Variants in EYS observed in about 807,000 individuals in gnomAD.
EYS encodes the protein protein eyes shut homolog.
EYS carries 250 observed loss-of-function variants against 282.1 expected under a neutral mutation model. The observed-to-expected ratio is 0.89, with a 90% confidence interval of 0.80 to 0.98. EYS has a LOEUF of 0.98. Ranked by LOEUF, EYS falls within the 50% of genes least tolerant of loss-of-function variation. The pLI is 0.00. For missense variants in EYS, 4,016 were observed against 3,709.0 expected (o/e 1.08, Z -2.15); for synonymous variants, 1,355 against 1,282.9 (o/e 1.06, Z -1.20).
At chr6:63,727,194 A>G (rs1205398082) in intron 41 of EYS, among the ~76,000 whole-genome samples, 4 of 152,008 alleles carry the variant, frequency 2.6e-5, no homozygotes, top group African/African-American at 9.7e-5. Flanking sequence ...CCCAATGGGA[A>G]TTATGAGAGG....
chr6:64,715,446 A>G (rs1322662007), intron 22 of EYS, among the ~76,000 whole-genome samples: 3 of 152,220 alleles, frequency 2.0e-5, no homozygotes. Context: ...TCTGAAATGT[A>G]TGGAGATTTG....
At chr6:64,890,845 T>A (rs879876012) in intron 18 of EYS, among the ~76,000 whole-genome samples, 1 of 152,084 alleles carries the variant, frequency 6.6e-6, no homozygotes, top group Non-Finnish European at 1.5e-5. Flanking sequence ...ATAATATGAA[T>A]CATAATGATC....
chr6:64,081,989 GAA>G lies in EYS; in HGVS notation c.6436_6437del (p.Phe2146LeufsTer24). ...GRFCEKDAGL[F>X]FPSFNGNSYL... ...AGGAATTCCCATTGAAAGATGGAAA[GAA>G]TAAACCTGCATCTAAAAAAGAAAAT... On this transcript the variant is annotated frameshift_variant, in exon 32 of 43. Transcript: ENST00000503581. LOFTEE classifies it high-confidence loss of function. The G allele has an allele frequency of 6.5e-7, 1 of 1,540,522 alleles. No homozygotes were observed. Among genetic ancestry groups the G allele is most frequent in the Non-Finnish European group, 8.8e-7 (1 of 1,138,724 alleles).
chr6:65,443,651 C>T (rs13205783), intron 5 of EYS, among the ~76,000 whole-genome samples: 32,246 of 147,356 alleles, frequency 0.22, 3,648 homozygotes, highest in South Asian at 0.27. Flanking sequence ...ATATATGTGT[C>T]TATACACATA....
rs942423689 is a variant in EYS at position 65,684,901 on chromosome 6, C to T, written c.-448+22234G>A. Among the ~76,000 whole-genome samples the T allele has an allele frequency of 5.9e-5, 9 of 152,000 alleles. No individual in the cohort carries two copies. In the East Asian group the frequency reaches 7.8e-4, roughly 13 times the overall value. On this transcript the variant is annotated intron_variant, in intron 1 of 42. Transcript: ENST00000503581. The stretch of plus-strand genomic sequence containing the variant: ...ACCTCCTCCCACCTCCCATCCTCCA[C>T]CCTCAAGTGGGCCCCGGTGTCTGTT...
chr6:64,629,117 C>T (rs1158937575), intron 22 of EYS, among the ~76,000 whole-genome samples: 1 of 152,116 alleles, frequency 6.6e-6, no homozygotes, highest in Non-Finnish European at 1.5e-5. Flanking sequence ...AATATTTTCT[C>T]ATACTTCCTT....
chr6:63,838,316 G>A (rs1190789078), intron 36 of EYS, among the ~76,000 whole-genome samples: 3 of 151,860 alleles, frequency 2.0e-5, no homozygotes, highest in Admixed American at 6.6e-5. Flanking sequence ...ATAAATAGAC[G>A]TTAGTATAAA....
chr6:64,834,499 A>C (rs1433730051), intron 19 of EYS, among the ~76,000 whole-genome samples: 1 of 151,856 alleles, frequency 6.6e-6, no homozygotes, highest in African/African-American at 2.4e-5. Context: ...CAATTTTGTC[A>C]TAGAAGTAAA....
At chr6:65,034,090 A>T (rs1478733043) in intron 13 of EYS, among the ~76,000 whole-genome samples, 1 of 152,138 alleles carries the variant, frequency 6.6e-6, no homozygotes, top group Non-Finnish European at 1.5e-5. Flanking sequence ...TGGGTTTTGA[A>T]CTTGCACGGG....
At chr6:65,386,425 G>GTTTC (rs1765807576) in intron 7 of EYS, among the ~76,000 whole-genome samples, 1 of 151,500 alleles carries the variant, frequency 6.6e-6, no homozygotes, top group African/African-American at 2.4e-5. Context: ...TTCAAAAAGG[G>GTTTC]AAAACTTTCC....
chr6:64,891,648 C>T (rs1413941433), intron 18 of EYS, among the ~76,000 whole-genome samples: 1 of 152,042 alleles, frequency 6.6e-6, no homozygotes, highest in Non-Finnish European at 1.5e-5. Flanking sequence ...TGCTAACCAC[C>T]TCTAATAAGG....
intron 40 of EYS, among the ~76,000 whole-genome samples, chr6:63,764,541 A>G (rs1023267236): frequency 6.6e-6 from 1 of 152,008 alleles, no homozygotes; most frequent in Non-Finnish European, 1.5e-5. Flanking sequence ...CTAGTGGTTC[A>G]TTTTATATCT....
chr6:64,714,670 A>C (rs1273847012), intron 22 of EYS, among the ~76,000 whole-genome samples: 1 of 151,492 alleles, frequency 6.6e-6, no homozygotes, highest in Non-Finnish European at 1.5e-5. Context: ...GGACTATAGG[A>C]GCCTGCCACC....
chr6:64,437,319 A>C (rs1203798814), intron 27 of EYS, among the ~76,000 whole-genome samples: 1 of 151,688 alleles, frequency 6.6e-6, no homozygotes, highest in Non-Finnish European at 1.5e-5. Context: ...GGTTAAACGA[A>C]GATATTTAGG....
intron 26 of EYS, among the ~76,000 whole-genome samples, chr6:64,586,293 T>C (rs890805531): frequency 6.6e-6 from 1 of 152,088 alleles, no homozygotes; most frequent in African/African-American, 2.4e-5. Flanking sequence ...ATCTAGAACT[T>C]ACCAGTCTCC....
intron 2 of EYS, among the ~76,000 whole-genome samples, chr6:65,576,272 A>G (rs1764663738): frequency 6.6e-6 from 1 of 152,060 alleles, no homozygotes; most frequent in Admixed American, 6.6e-5. Context: ...GGATAATTTA[A>G]TATATGCAAA....
chr6:64,528,659 A>C (rs1239384253), intron 26 of EYS, among the ~76,000 whole-genome samples: 1 of 151,944 alleles, frequency 6.6e-6, no homozygotes, highest in African/African-American at 2.4e-5. Flanking sequence ...ACTGTCTTAA[A>C]AATGTCTCCT....
intron 33 of EYS, among the ~76,000 whole-genome samples, chr6:64,000,020 C>A (rs1397429446): frequency 6.6e-6 from 1 of 152,034 alleles, no homozygotes; most frequent in Non-Finnish European, 1.5e-5. Context: ...GCTGTTTCTG[C>A]ATACTGAGAG....
intron 22 of EYS, among the ~76,000 whole-genome samples, chr6:64,739,681 T>G (rs1772301804): frequency 6.6e-6 from 1 of 152,280 alleles, no homozygotes; most frequent in East Asian, 1.9e-4. Flanking sequence ...AAAACCTTGA[T>G]TGCTTTCCTG....
Sources: allele counts gnomAD v4.1 joint callset (sites outside exome capture counted in the v4.1 genomes callset), GRCh38; gene constraint gnomAD v4.1.1; transcripts MANE v1.5; gene names NCBI Gene and HGNC (gene_info 2026-07-23, HGNC 2026-07-21).